GABRA6: variants seen among roughly 807,000 people sequenced by gnomAD.
The protein encoded by GABRA6 is gamma-aminobutyric acid receptor subunit alpha-6.
Under a neutral mutation model 47.3 loss-of-function variants are expected in GABRA6, and 45 were observed. That is an observed-to-expected ratio of 0.95 (90% confidence interval 0.75 to 1.22). The LOEUF is 1.22. GABRA6 is among the 50% of genes most tolerant of loss of function. The probability of loss-of-function intolerance (pLI) is 0.00; values close to 1 mark genes in which losing one functional copy is unlikely to be tolerated. For missense variants in GABRA6, 583 were observed against 549.3 expected, an observed-to-expected ratio of 1.06 and a Z score of -0.61; for synonymous variants, 219 against 194.7, an observed-to-expected ratio of 1.12 and a Z score of -1.04.
intron 3 of GABRA6, 30 bp from the exon 4 acceptor site, chr5:161,688,919 A>C: frequency 1.9e-6 from 3 of 1,570,510 alleles, no homozygotes; most frequent in Non-Finnish European, 2.6e-6. Flanking sequence ...CTATCTTTCC[A>C]GCCCACACAA....
intron 8 of GABRA6, among the ~76,000 whole-genome samples, chr5:161,698,129 T>A (rs1031664464): frequency 6.6e-6 from 1 of 152,216 alleles, no homozygotes; most frequent in African/African-American, 2.4e-5. Flanking sequence ...TCGGCATTTG[T>A]TTATTAAAGA....
chr5:161,698,828 G>A (rs1754928222), intron 8 of GABRA6, among the ~76,000 whole-genome samples: 1 of 151,952 alleles, frequency 6.6e-6, no homozygotes, highest in South Asian at 2.1e-4. Context: ...AAGTAGATGA[G>A]GCAAAAGGGA....
chr5:161,689,386 A>G, intron 5 of GABRA6, 50 bp downstream of exon 5: 1 of 1,470,562 alleles, frequency 6.8e-7, no homozygotes, highest in South Asian at 1.1e-5. Context: ...CAAAATATAT[A>G]ATTACTTGGT....
At chr5:161,698,595 T>C (rs1460857924) in intron 8 of GABRA6, among the ~76,000 whole-genome samples, 9 of 152,132 alleles carry the variant, frequency 5.9e-5, no homozygotes, top group Admixed American at 5.9e-4. Context: ...TCATGCCTTT[T>C]TCTTAAATTC....
In GABRA6 at chr5:161,698,121, G is replaced by A. The variant is rs114483824; in HGVS notation, c.1087-3377G>A. 5.5e-3 allele frequency among the ~76,000 whole-genome samples: 829 copies of A among 151,916 alleles called. 9 individuals carry two copies. Among genetic ancestry groups the A allele is most frequent in the African/African-American group, 0.019 (768 of 41,446 alleles). On this transcript the variant is annotated intron_variant, in intron 8 of 8. Transcript: ENST00000274545. ...TTAGATTTTTTTCATTTGTTGATTC[G>A]GCATTTGTTTATTAAAGAAATACTG...
intron 8 of GABRA6, among the ~76,000 whole-genome samples, chr5:161,701,099 G>A (rs1754972088): frequency 6.6e-6 from 1 of 152,120 alleles, no homozygotes; most frequent in South Asian, 2.1e-4. Flanking sequence ...TTCCAAATTG[G>A]AATTCACCCC....
In GABRA6 at chr5:161,690,221, GT is replaced by G. The variant is rs773361875; in HGVS notation, c.697del (p.Tyr233ThrfsTer12). 8 of 1,613,750 alleles carry G rather than the reference GT, an allele frequency of 5.0e-6. No individual in the cohort carries two copies. In the South Asian group the frequency reaches 8.8e-5, roughly 18 times the overall value. ...AACAGGTGAATACGTTATAATGACA[GT>G]TTACTTCCACTTGCAAAGGAAGATG... ...SNTGEYVIMT[V>X]YFHLQRKMGY... On this transcript the variant is annotated frameshift_variant, in exon 7 of 9. Coordinates refer to ENST00000274545, the MANE Select transcript of GABRA6 (RefSeq NM_000811.3). LOFTEE classifies it high-confidence loss of function.
chr5:161,701,106 C>G (rs1369760313), intron 8 of GABRA6, among the ~76,000 whole-genome samples: 1 of 152,106 alleles, frequency 6.6e-6, no homozygotes, highest in African/African-American at 2.4e-5. Flanking sequence ...TTGGAATTCA[C>G]CCCTCCTCCC....
At chr5:161,686,162 ATAGAGTAGAT>A in intron 1 of GABRA6, 58 bp from the exon 2 acceptor site, 1 of 1,397,336 alleles carries the variant, frequency 7.2e-7, no homozygotes. Context: ...ACAGGGTGGA[ATAGAGTAGAT>A]TAGACAAAAC....
rs540019322 is a variant in GABRA6 at position 161,685,732 on chromosome 5, C to T, written c.-258C>T. The T allele has an allele frequency of 1.4e-5, 8 of 567,672 alleles. No homozygotes were observed. The highest frequency in any genetic ancestry group is 3.8e-5 in the African/African-American group (2 of 53,134). 35.2% of individuals were successfully genotyped at this position (567,672 alleles called of 1,614,324 possible). On this transcript the variant is annotated 5_prime_UTR_variant, in exon 1 of 9. Transcript: ENST00000274545. ...TTCCCAACTGAGTCAGTCAGAGGAGCCTGGGTGTCTGCAGGACATAATCTA... is the reference window on the plus strand; with the variant it reads ...TTCCCAACTGAGTCAGTCAGAGGAGTCTGGGTGTCTGCAGGACATAATCTA...
At chr5:161,700,967 C>T (rs1754969796) in intron 8 of GABRA6, among the ~76,000 whole-genome samples, 1 of 152,116 alleles carries the variant, frequency 6.6e-6, no homozygotes, top group Non-Finnish European at 1.5e-5. Context: ...TTTTTAAATC[C>T]TTAAATCATA....
At position 161,689,269 on chromosome 5, in the gene GABRA6, T is replaced by C; in HGVS notation, c.462T>C (p.Ala154=). 1 of 1,614,112 alleles carries C rather than the reference T, an allele frequency of 6.2e-7. No individual in the cohort carries two copies. Among genetic ancestry groups the C allele is most frequent in the Non-Finnish European group, 8.5e-7 (1 of 1,179,950 alleles). The part of the protein sequence containing the change: ...ILYTMRLTIN[A]DCPMRLVNFP... ...ATGTTTCTAGGCTTACCATCAATGC[T>C]GACTGTCCCATGAGGCTGGTTAACT... Residue 154 remains alanine (A), a synonymous_variant, in exon 5 of 9, where the codon GCT becomes GCC. Transcript: ENST00000274545.
chr5:161,689,559 A>T, intron 5 of GABRA6, 77 bp from the exon 6 acceptor site: 1 of 1,310,880 alleles, frequency 7.6e-7, no homozygotes, highest in South Asian at 1.2e-5. Flanking sequence ...CCTTTTTTAT[A>T]GACAATGTGC....
chr5:161,695,467 G>C (rs1225808342), intron 8 of GABRA6, among the ~76,000 whole-genome samples: 1 of 151,808 alleles, frequency 6.6e-6, no homozygotes, highest in Non-Finnish European at 1.5e-5. Context: ...ATATTAGAGA[G>C]TTACTTATAT....
chr5:161,696,524 G>A (rs1754889323), intron 8 of GABRA6, among the ~76,000 whole-genome samples: 1 of 151,996 alleles, frequency 6.6e-6, no homozygotes, highest in African/African-American at 2.4e-5. Context: ...TATGATTTAT[G>A]GGGAAGGCAG....
chr5:161,700,713 A>G (rs138298872), intron 8 of GABRA6, among the ~76,000 whole-genome samples: 2 of 152,318 alleles, frequency 1.3e-5, no homozygotes, highest in African/African-American at 2.4e-5. Context: ...TCAGTGAGAC[A>G]GGAGGTTTAG....
chr5:161,700,504 G>C (rs186298267), intron 8 of GABRA6, among the ~76,000 whole-genome samples: 21 of 152,306 alleles, frequency 1.4e-4, no homozygotes, highest in African/African-American at 5.1e-4. Flanking sequence ...CAGAATCAGA[G>C]TCTCTGAACT....
chr5:161,701,238 T>C (rs1177906177), intron 8 of GABRA6, among the ~76,000 whole-genome samples: 2 of 152,206 alleles, frequency 1.3e-5, no homozygotes, highest in Non-Finnish European at 2.9e-5. Context: ...TTCTATGACA[T>C]GAAACATGCT....
At chr5:161,698,726 G>A (rs767953529) in intron 8 of GABRA6, among the ~76,000 whole-genome samples, 4 of 152,022 alleles carry the variant, frequency 2.6e-5, no homozygotes, top group African/African-American at 4.8e-5. Context: ...TATATTGCAC[G>A]CAATTAGTAG....
Sources: allele counts gnomAD v4.1 joint callset (sites outside exome capture counted in the v4.1 genomes callset), GRCh38; gene constraint gnomAD v4.1.1; transcripts MANE v1.5; gene names NCBI Gene and HGNC (gene_info 2026-07-23, HGNC 2026-07-21).